RBM46: variants seen among roughly 807,000 people sequenced by gnomAD.
The protein encoded by RBM46 is probable RNA-binding protein 46.
A neutral mutation model predicts 43.3 loss-of-function variants in RBM46; 12 were observed. The ratio of observed to expected loss-of-function variants is 0.28; its 90% CI spans 0.18 to 0.45. The LOEUF (loss-of-function observed/expected upper bound fraction) is 0.45, where lower values mean the gene tolerates loss of function less well. RBM46 is among the 20% of genes least tolerant of loss of function. The pLI, the probability that RBM46 is intolerant of heterozygous loss-of-function variation, is 1.00. For synonymous variants in RBM46, 205 were observed against 207.6 expected, an observed-to-expected ratio of 0.99 and a Z score of 0.11; for missense variants, 412 against 639.1, an observed-to-expected ratio of 0.64 and a Z score of 3.83.
rs1734494556 is a variant in RBM46, at chr4:154,799,187, A to G, written c.1025A>G (p.Lys342Arg). The G allele has an allele frequency of 1.2e-6, 2 of 1,614,044 alleles. No homozygotes were observed. The highest frequency in any genetic ancestry group is 1.7e-6 in the Non-Finnish European group (2 of 1,180,044). Reference sequence around the variant, plus strand: ...GCTAACAAAGAAGAGAGCCACCCAAAAACTCTAGGCAAGCTGCCAACTCTT... The same window carrying G: ...GCTAACAAAGAAGAGAGCCACCCAAGAACTCTAGGCAAGCTGCCAACTCTT... ...VFANKEESHP[K>R]TLGKLPTLPA... The change falls in exon 4 of 5, where the codon AAA (lysine) becomes AGA (arginine). Residue 342 changes from lysine to arginine, a missense_variant. Around this residue, in one of 8 missense-constraint regions of RBM46, gnomAD observed 105 missense variants for 111.0 expected, o/e 0.95. Transcript: ENST00000281722.
At chr4:154,782,081 T>C (rs756202348) in intron 1 of RBM46, 3 of 152,346 alleles carry the variant, frequency 2.0e-5, no homozygotes, top group Admixed American at 6.5e-5. Flanking sequence ...GTACCTCGTG[T>C]GTGCTGGGCT....
chr4:154,796,825 T>C lies in RBM46; in HGVS notation c.73T>C (p.Leu25=). ...VRTGIQNEAA[L]LALMEKTGYN... Reference sequence around the variant, plus strand: ...AACTGGTATTCAGAATGAAGCAGCATTACTTGCTTTGATGGAAAAGACTGG... The same window carrying C: ...AACTGGTATTCAGAATGAAGCAGCACTACTTGCTTTGATGGAAAAGACTGG... The change falls in exon 2 of 5, where the codon TTA becomes CTA. Residue 25 remains leucine (L), a synonymous_variant. Transcript: ENST00000281722. 3.1e-6 allele frequency: 5 copies of C among 1,613,750 alleles called. No homozygotes were observed. The highest frequency in any genetic ancestry group is 4.2e-6 in the Non-Finnish European group (5 of 1,179,660).
At chr4:154,795,721 A>C (rs1734318922) in intron 1 of RBM46, among the ~76,000 whole-genome samples, 1 of 152,172 alleles carries the variant, frequency 6.6e-6, no homozygotes, top group Non-Finnish European at 1.5e-5. Flanking sequence ...TATATATTTT[A>C]TATCACCTTG....
chr4:154,790,857 G>A (rs1340760268), intron 1 of RBM46, among the ~76,000 whole-genome samples: 1 of 152,188 alleles, frequency 6.6e-6, no homozygotes, highest in Non-Finnish European at 1.5e-5. Flanking sequence ...AATCTAATAA[G>A]ATGAGATTAA....
intron 2 of RBM46, among the ~76,000 whole-genome samples, chr4:154,797,517 G>A (rs1201555254): frequency 6.6e-6 from 1 of 152,012 alleles, no homozygotes; most frequent in Non-Finnish European, 1.5e-5. Flanking sequence ...TAATCCTCAT[G>A]GCTCACTCCC....
rs796343710 is a variant in RBM46, at chr4:154,823,497, CA to C, written c.1403-4367del. ...AGTCTAAAGAGTATCTAGTCAGAAA[CA>C]AAAGAAAAAGGGAGTCAAAATTAAT... is the stretch of plus-strand genomic sequence containing the variant. On this transcript the variant is annotated intron_variant, in intron 4 of 4. Transcript: ENST00000281722. Among the ~76,000 whole-genome samples the C allele has an allele frequency of 5.2e-4, 79 of 151,454 alleles. 1 individual carries two copies. The highest frequency in any genetic ancestry group is 1.8e-3 in the African/African-American group (73 of 41,398).
chr4:154,821,262 C>T (rs1351520035), intron 4 of RBM46, among the ~76,000 whole-genome samples: 1 of 151,694 alleles, frequency 6.6e-6, no homozygotes, highest in Non-Finnish European at 1.5e-5. Flanking sequence ...CTTAGAGGTC[C>T]TTACAACTTT....
chr4:154,826,866 T>A (rs911505754), intron 4 of RBM46: 3 of 1,498,956 alleles, frequency 2.0e-6, no homozygotes, highest in Non-Finnish European at 1.8e-6. Context: ...AATGCACCTA[T>A]GGTGTAGGCA....
chr4:154,823,127 C>T (rs1297116200), intron 4 of RBM46, among the ~76,000 whole-genome samples: 1 of 151,838 alleles, frequency 6.6e-6, no homozygotes, highest in East Asian at 1.9e-4. Context: ...CATGCTACAA[C>T]ATGTATGAGC....
At chr4:154,802,773 G>T (rs1734701582) in intron 4 of RBM46, among the ~76,000 whole-genome samples, 1 of 151,966 alleles carries the variant, frequency 6.6e-6, no homozygotes, top group African/African-American at 2.4e-5. Flanking sequence ...TATTTTCTTT[G>T]GGGATAGTAA....
intron 4 of RBM46, among the ~76,000 whole-genome samples, chr4:154,803,224 A>G (rs534450664): frequency 1.3e-5 from 2 of 152,290 alleles, no homozygotes; most frequent in African/African-American, 2.4e-5. Context: ...TCCTATCTAA[A>G]GGAAGCTCTA....
At chr4:154,827,268 A>G in intron 4 of RBM46, 2 of 934,810 alleles carry the variant, frequency 2.1e-6, no homozygotes, top group Non-Finnish European at 2.6e-6. Context: ...GGTTTTTTGA[A>G]GTTTATTTAA....
intron 1 of RBM46, 54 bp from the exon 2 acceptor site, chr4:154,796,688 A>G (rs1578907841): frequency 8.2e-7 from 1 of 1,226,190 alleles, no homozygotes; most frequent in East Asian, 2.5e-5. Flanking sequence ...AATGCCTTAT[A>G]GATTCTTGGT....
chr4:154,796,872 T>C lies in RBM46; in HGVS notation c.120T>C (p.Asn40=), dbSNP rs780223641. 27 of 1,613,502 alleles carry C rather than the reference T, an allele frequency of 1.7e-5. No homozygotes were observed. The highest frequency in any genetic ancestry group is 1.4e-5 in the Non-Finnish European group (17 of 1,179,792). ...EKTGYNMVQE[N]GQRKFGGPPP... ...CTGGTTACAACATGGTTCAGGAAAA[T>C]GGACAAAGGAAATTTGGCGGTCCTC... The change falls in exon 2 of 5, where the codon AAT becomes AAC. Residue 40 remains asparagine (N), a synonymous_variant. Coordinates refer to ENST00000281722, the MANE Select transcript of RBM46 (RefSeq NM_144979.5).
In RBM46 at chr4:154,822,596, A is replaced by C. The variant is rs551777357; in HGVS notation, c.1403-5272A>C. ...AAAAAAAAGTTTTTTTTTGCAGATA[A>C]AATTTAGTGTTTGAGTGAAAGTAAG... On this transcript the variant is annotated intron_variant, in intron 4 of 4. Transcript: ENST00000281722. Among the ~76,000 whole-genome samples the C allele has an allele frequency of 2.6e-5, 4 of 151,768 alleles. No homozygotes were observed. The East Asian group carries it at 7.7e-4, about 29-fold the overall frequency.
chr4:154,808,795 G>T (rs1312797808), intron 4 of RBM46, among the ~76,000 whole-genome samples: 2 of 152,090 alleles, frequency 1.3e-5, no homozygotes, highest in African/African-American at 4.8e-5. Flanking sequence ...ATATATGTGT[G>T]TACATGTGTT....
rs1460984216 is a variant in RBM46 at position 154,796,799 on chromosome 4, G to A, written c.47G>A (p.Arg16Gln). The change falls in exon 2 of 5, where the codon CGA (arginine) becomes CAA (glutamine). Residue 16 changes from arginine to glutamine, a missense_variant. Physicochemically the swap from Arg to Gln is conservative, Grantham distance 43. Transcript: ENST00000281722. Reference protein sequence around the residue: ...IDGTNGCSKVRTGIQNEAALL... With the variant: ...IDGTNGCSKVQTGIQNEAALL... ...GGAACAAATGGATGCAGTAAAGTTC[G>A]AACTGGTATTCAGAATGAAGCAGCA... 7 of 1,613,144 alleles carry A rather than the reference G, an allele frequency of 4.3e-6. No homozygotes were observed. Among genetic ancestry groups the A allele is most frequent in the Admixed American group, 1.7e-5 (1 of 59,932 alleles).
intron 4 of RBM46, among the ~76,000 whole-genome samples, chr4:154,822,751 T>A (rs552675709): frequency 6.6e-6 from 1 of 151,878 alleles, no homozygotes; most frequent in South Asian, 2.1e-4. Flanking sequence ...GCTTAAAATA[T>A]GTATTAAAGG....
chr4:154,821,231 A>G (rs1735707158), intron 4 of RBM46, among the ~76,000 whole-genome samples: 1 of 151,844 alleles, frequency 6.6e-6, no homozygotes, highest in African/African-American at 2.4e-5. Context: ...TAGCATAAAA[A>G]TTCAAATAAG....
Sources: allele counts gnomAD v4.1 joint callset (sites outside exome capture counted in the v4.1 genomes callset), GRCh38; gene constraint gnomAD v4.1.1; regional missense constraint gnomAD v4.1.1; transcripts MANE v1.5; gene names NCBI Gene and HGNC (gene_info 2026-07-23, HGNC 2026-07-21).